Variants in RIC1 observed in about 807,000 individuals in gnomAD.
RIC1 encodes the protein guanine nucleotide exchange factor subunit RIC1.
RIC1 carries 88 observed loss-of-function variants against 169.0 expected under a neutral mutation model. The observed-to-expected ratio is 0.52, with a 90% confidence interval of 0.44 to 0.62. The LOEUF (loss-of-function observed/expected upper bound fraction) is 0.62, where lower values mean the gene tolerates loss of function less well. Ranked by LOEUF, RIC1 falls within the 20% of genes least tolerant of loss-of-function variation. RIC1 has a pLI of 0.00. For missense variants in RIC1, 1,877 were observed against 1,725.5 expected (o/e 1.09, Z -1.56); for synonymous variants, 790 against 601.5 (o/e 1.31, Z -4.59).
chr9:5,734,649 A>G (rs1171631276), intron 7 of RIC1, among the ~76,000 whole-genome samples: 1 of 152,250 alleles, frequency 6.6e-6, no homozygotes, highest in Non-Finnish European at 1.5e-5. Flanking sequence ...CAACTGGATC[A>G]GTAAATAGAA....
chr9:5,729,945 T>C (rs1824259979), intron 6 of RIC1, among the ~76,000 whole-genome samples: 1 of 152,158 alleles, frequency 6.6e-6, no homozygotes, highest in Admixed American at 6.5e-5. Context: ...GAAAAAGTGA[T>C]TGACTCTTTT....
chr9:5,724,458 C>G (rs532028105), intron 6 of RIC1, among the ~76,000 whole-genome samples: 7 of 152,090 alleles, frequency 4.6e-5, no homozygotes, highest in Non-Finnish European at 7.4e-5. Context: ...GGAGATTTTG[C>G]GCTGAGACTA....
At chr9:5,695,072 AG>A (rs1009106471) in intron 3 of RIC1, among the ~76,000 whole-genome samples, 6 of 152,198 alleles carry the variant, frequency 3.9e-5, no homozygotes, top group Admixed American at 2.6e-4. Flanking sequence ...AAAATTAAGC[AG>A]GGTAAGGGAA....
Position 5,775,106 on chromosome 9 carries a change from G to C in RIC1, c.*860G>C, listed in dbSNP as rs1477170365. 1 of 152,210 alleles carries C rather than the reference G, an allele frequency of 6.6e-6. No homozygotes were observed. Among genetic ancestry groups the C allele is most frequent in the African/African-American group, 2.4e-5 (1 of 41,464 alleles). 9.4% of individuals were successfully genotyped at this position (152,210 alleles called of 1,614,324 possible). A position where few individuals can be genotyped will look rare whatever the true frequency, so the allele number is the denominator to read the frequency against. On this transcript the variant is annotated 3_prime_UTR_variant, in exon 26 of 26. Transcript: ENST00000414202. ...CTTGCTCCTCTGCAAAACTGAGGAA[G>C]ACAGGTTTATTGGCTTGGTCATGAA...
Position 5,730,945 on chromosome 9 carries a change from G to A in RIC1, c.721-1443G>A, listed in dbSNP as rs150007790. ...TCTATCCACACAGGCTTCTTTGCTG[G>A]TCTTTGAGCATGCCAGAAATGCTCC... is the stretch of plus-strand genomic sequence containing the variant. On this transcript the variant is annotated intron_variant, in intron 6 of 25. Coordinates refer to ENST00000414202, the MANE Select transcript of RIC1 (RefSeq NM_020829.4). Among the ~76,000 whole-genome samples the A allele has an allele frequency of 8.0e-3, 1,223 of 152,098 alleles. 12 individuals carry two copies. The highest frequency in any genetic ancestry group is 0.014 in the Middle Eastern group (4 of 294).
rs561335254 is a variant in RIC1 at position 5,670,161 on chromosome 9, G to T, written c.252+13471G>T. On this transcript the variant is annotated intron_variant, in intron 2 of 25. Coordinates refer to ENST00000414202, the MANE Select transcript of RIC1 (RefSeq NM_020829.4). ...GCTTTCGAGCCCTTGAGCCCCTTCT[G>T]CAGCTTCTAAGTTCAGCAGATGTCT... is the stretch of plus-strand genomic sequence containing the variant. Among the ~76,000 whole-genome samples, 7 of 152,290 alleles carry T rather than the reference G, an allele frequency of 4.6e-5. 1 individual carries two copies. The highest frequency in any genetic ancestry group is 1.7e-4 in the African/African-American group (7 of 41,556).
chr9:5,773,586 AC>A (rs1238021129), intron 25 of RIC1, among the ~76,000 whole-genome samples: 1 of 152,194 alleles, frequency 6.6e-6, no homozygotes, highest in Non-Finnish European at 1.5e-5. Flanking sequence ...TACTTCCCTT[AC>A]TTGGATCTGG....
intron 2 of RIC1, among the ~76,000 whole-genome samples, chr9:5,674,783 A>G (rs1820344920): frequency 1.3e-5 from 2 of 152,140 alleles, no homozygotes; most frequent in Non-Finnish European, 2.9e-5. Context: ...TTTCCCCTTT[A>G]AAGATTGAAG....
chr9:5,689,197 T>C (rs7033010), intron 2 of RIC1, among the ~76,000 whole-genome samples: 433 of 151,928 alleles, frequency 2.9e-3, no homozygotes, highest in African/African-American at 8.4e-3. Flanking sequence ...TACAGGCGCC[T>C]GCCACCACGC....
chr9:5,709,923 T>C (rs1318204073), intron 3 of RIC1, among the ~76,000 whole-genome samples: 1 of 152,178 alleles, frequency 6.6e-6, no homozygotes. Context: ...AATGAGAATA[T>C]TCATATAAAG....
At chr9:5,672,756 TAATG>T (rs1284578937) in intron 2 of RIC1, among the ~76,000 whole-genome samples, 37 of 152,166 alleles carry the variant, frequency 2.4e-4, no homozygotes, top group African/African-American at 7.7e-4. Flanking sequence ...GGAAAAAGTT[TAATG>T]AAAAAACGTA....
At chr9:5,740,033 T>G (rs1260790631) in intron 8 of RIC1, among the ~76,000 whole-genome samples, 2 of 152,202 alleles carry the variant, frequency 1.3e-5, no homozygotes. Context: ...TCTTAGCAGT[T>G]TTGAGGCTCA....
At chr9:5,756,121 G>T (rs1586697798) in intron 15 of RIC1, 91 bp from the exon 16 acceptor site, 51 of 632,778 alleles carry the variant, frequency 8.1e-5, no homozygotes, top group Non-Finnish European at 9.0e-5. Context: ...AAAAAAAAAA[G>T]TCGGAAGTTA....
intron 1 of RIC1, among the ~76,000 whole-genome samples, chr9:5,647,685 T>C (rs560155406): frequency 2.6e-5 from 4 of 152,362 alleles, no homozygotes; most frequent in Admixed American, 6.5e-5. Context: ...GATCATGTCA[T>C]CTTCAAACAT....
intron 3 of RIC1, among the ~76,000 whole-genome samples, chr9:5,704,296 G>T (rs1333840072): frequency 6.6e-6 from 1 of 150,416 alleles, no homozygotes; most frequent in East Asian, 2.0e-4. Context: ...CTGCATCCTT[G>T]ATTTCTTGGG....
chr9:5,724,815 CAT>C (rs1159232013), intron 6 of RIC1, among the ~76,000 whole-genome samples: 1 of 152,182 alleles, frequency 6.6e-6, no homozygotes, highest in Middle Eastern at 3.2e-3. Context: ...TTGAGATAAT[CAT>C]GTGGTTTTTG....
chr9:5,730,247 A>G (rs1480914036), intron 6 of RIC1, among the ~76,000 whole-genome samples: 3 of 152,204 alleles, frequency 2.0e-5, no homozygotes, highest in African/African-American at 7.2e-5. Context: ...CCTGAGGACT[A>G]AAAGAGCTGG....
At chr9:5,741,767 G>T (rs1052540995) in intron 8 of RIC1, among the ~76,000 whole-genome samples, 3 of 152,148 alleles carry the variant, frequency 2.0e-5, no homozygotes, top group Admixed American at 6.5e-5. Flanking sequence ...AAGCCTTTCT[G>T]AGTCTGTTTC....
chr9:5,701,063 A>G (rs535388369), intron 3 of RIC1, among the ~76,000 whole-genome samples: 5 of 152,320 alleles, frequency 3.3e-5, no homozygotes, highest in East Asian at 3.9e-4. Flanking sequence ...TATCAAAACT[A>G]TCACTATGAC....
Sources: gnomAD v4.1 joint callset for allele counts (sites outside exome capture counted in the v4.1 genomes callset) on GRCh38, gnomAD v4.1.1 for gene constraint, MANE v1.5 for transcripts, NCBI Gene and HGNC (gene_info 2026-07-23, HGNC 2026-07-21) for gene names.